FAM135B: variants seen among roughly 807,000 people sequenced by gnomAD.
FAM135B encodes the protein protein FAM135B.
Under a neutral mutation model 127.7 loss-of-function variants are expected in FAM135B, and 43 were observed. The observed-to-expected ratio is 0.34, with a 90% confidence interval of 0.26 to 0.43. FAM135B has a LOEUF of 0.43. FAM135B is among the 20% of genes least tolerant of loss of function. The probability of loss-of-function intolerance (pLI) is 1.00; values close to 1 mark genes in which losing one functional copy is unlikely to be tolerated. For synonymous variants in FAM135B, 670 were observed against 665.1 expected (o/e 1.01, Z -0.11); for missense variants, 1,558 against 1,725.6 (o/e 0.90, Z 1.72).
intron 1 of FAM135B, among the ~76,000 whole-genome samples, chr8:138,398,525 C>A (rs1289135982): frequency 6.6e-6 from 1 of 152,196 alleles, no homozygotes; most frequent in Non-Finnish European, 1.5e-5. Flanking sequence ...CAGCCACATT[C>A]AGACACTCCA....
chr8:138,337,808 C>G (rs1244097058), intron 2 of FAM135B, among the ~76,000 whole-genome samples: 3 of 152,086 alleles, frequency 2.0e-5, no homozygotes, highest in Middle Eastern at 6.8e-3. Flanking sequence ...CAAATCAATC[C>G]TAAGCCAAAA....
intron 2 of FAM135B, among the ~76,000 whole-genome samples, chr8:138,314,885 A>G (rs889409799): frequency 7.4e-5 from 11 of 149,128 alleles, no homozygotes; most frequent in Non-Finnish European, 1.2e-4. Context: ...ACCTCAAAAA[A>G]AAAAAAAAAA....
At chr8:138,294,318 C>T (rs945819758) in intron 3 of FAM135B, among the ~76,000 whole-genome samples, 1 of 151,906 alleles carries the variant, frequency 6.6e-6, no homozygotes, top group Non-Finnish European at 1.5e-5. Context: ...GATGGGTATG[C>T]TAAAATCTCA....
At chr8:138,321,127 TC>T (rs1827427907) in intron 2 of FAM135B, among the ~76,000 whole-genome samples, 2 of 152,262 alleles carry the variant, frequency 1.3e-5, no homozygotes, top group South Asian at 4.1e-4. Flanking sequence ...CCTGAGCCTC[TC>T]TTTCCTCATG....
intron 3 of FAM135B, among the ~76,000 whole-genome samples, chr8:138,307,732 TA>T (rs60272179): frequency 0.02 from 2,615 of 131,584 alleles, 38 homozygotes; most frequent in Admixed American, 0.038. Context: ...CCCATTGTGG[TA>T]AAAAAAAAAA....
intron 2 of FAM135B, 91 bp from the exon 3 acceptor site, chr8:138,311,011 G>T: frequency 1.0e-6 from 1 of 959,878 alleles, no homozygotes; most frequent in Non-Finnish European, 1.6e-6. Context: ...AAAGCCATAG[G>T]AAATCAGGGA....
chr8:138,143,530 G>T (rs1817396322), intron 15 of FAM135B, among the ~76,000 whole-genome samples: 1 of 152,136 alleles, frequency 6.6e-6, no homozygotes, highest in Non-Finnish European at 1.5e-5. Flanking sequence ...CCTTTCTGTG[G>T]CATAGCCTTT....
At chr8:138,452,205 C>T (rs1439970838) in intron 1 of FAM135B, among the ~76,000 whole-genome samples, 1 of 146,478 alleles carries the variant, frequency 6.8e-6, no homozygotes, top group Non-Finnish European at 1.5e-5. Flanking sequence ...TCTCGGCTCA[C>T]TGCAACCTCC....
chr8:138,230,433 A>G (rs1403367571), intron 7 of FAM135B, among the ~76,000 whole-genome samples: 1 of 152,218 alleles, frequency 6.6e-6, no homozygotes, highest in Non-Finnish European at 1.5e-5. Context: ...AAATAAGAGG[A>G]TAACTGACAA....
intron 7 of FAM135B, among the ~76,000 whole-genome samples, chr8:138,220,128 G>A (rs10093007): frequency 0.77 from 116,597 of 151,688 alleles, 45,014 homozygotes; most frequent in East Asian, 0.83. Context: ...AGAGAGCAGA[G>A]CATAAGCAAT....
At chr8:138,246,943 A>G (rs1421922517) in intron 6 of FAM135B, among the ~76,000 whole-genome samples, 2 of 152,204 alleles carry the variant, frequency 1.3e-5, no homozygotes, top group Non-Finnish European at 2.9e-5. Context: ...GGATTATTTC[A>G]GAGCTTTAAG....
At chr8:138,341,125 A>C (rs1245589112) in intron 2 of FAM135B, among the ~76,000 whole-genome samples, 1 of 152,216 alleles carries the variant, frequency 6.6e-6, no homozygotes, top group East Asian at 1.9e-4. Flanking sequence ...TGTTCACTGC[A>C]GCATTCTTCG....
intron 1 of FAM135B, among the ~76,000 whole-genome samples, chr8:138,412,238 G>T (rs1833908973): frequency 6.6e-6 from 1 of 152,094 alleles, no homozygotes; most frequent in Admixed American, 6.5e-5. Flanking sequence ...ATTATTTAAA[G>T]AAACAAAAGA....
chr8:138,295,169 C>G (rs1164951768), intron 3 of FAM135B, among the ~76,000 whole-genome samples: 2 of 124,900 alleles, frequency 1.6e-5, no homozygotes, highest in African/African-American at 6.2e-5. Context: ...AATGCACAAG[C>G]ACAGGAAGGG....
intron 1 of FAM135B, among the ~76,000 whole-genome samples, chr8:138,416,440 G>T (rs1358295750): frequency 1.3e-5 from 2 of 152,096 alleles, no homozygotes; most frequent in Admixed American, 6.6e-5. Context: ...AATACAGCTG[G>T]AGTAAAATAT....
At position 138,241,946 on chromosome 8, in the gene FAM135B, T is replaced by C. The variant is rs934282892; in HGVS notation, c.669+996A>G. On this transcript the variant is annotated intron_variant, in intron 7 of 19. Transcript: ENST00000395297. This position sits in a 1 kb window ranked among gnomAD's most constrained non-coding sequence, Gnocchi z 4.8. Reference sequence around the variant, plus strand: ...AGACTGAGTGAGAGAAAACTGTCTCTCTTATTTATTGTCTTTGATCTGGGA... The same window carrying C: ...AGACTGAGTGAGAGAAAACTGTCTCCCTTATTTATTGTCTTTGATCTGGGA... Among the ~76,000 whole-genome samples, 2 of 152,104 alleles carry C rather than the reference T, an allele frequency of 1.3e-5. No individual in the cohort carries two copies. The highest frequency in any genetic ancestry group is 4.8e-5 in the African/African-American group (2 of 41,412).
At chr8:138,353,255 T>C (rs556773184) in intron 2 of FAM135B, among the ~76,000 whole-genome samples, 1 of 152,292 alleles carries the variant, frequency 6.6e-6, no homozygotes, top group South Asian at 2.1e-4. Flanking sequence ...TGGTGAGATT[T>C]TCCTCTCAGG....
intron 11 of FAM135B, among the ~76,000 whole-genome samples, chr8:138,176,168 T>A (rs1390089787): frequency 6.6e-6 from 1 of 152,186 alleles, no homozygotes; most frequent in Non-Finnish European, 1.5e-5. Context: ...GTACAGGGGG[T>A]CAGTGTTGCA....
intron 3 of FAM135B, among the ~76,000 whole-genome samples, chr8:138,282,505 A>G (rs1227067722): frequency 6.6e-6 from 1 of 152,226 alleles, no homozygotes; most frequent in Non-Finnish European, 1.5e-5. Context: ...CAACCCAATT[A>G]AAAAATGAGC....
Sources: gnomAD v4.1 joint callset for allele counts (sites outside exome capture counted in the v4.1 genomes callset) on GRCh38, gnomAD v4.1.1 for gene constraint, Gnocchi (gnomAD v3.1) non-coding constraint, MANE v1.5 for transcripts, NCBI Gene and HGNC (gene_info 2026-07-23, HGNC 2026-07-21) for gene names.